Variants in ASIC2 observed in about 807,000 individuals in gnomAD.
ASIC2 encodes acid-sensing ion channel 2.
ASIC2 carries 25 observed loss-of-function variants against 57.3 expected under a neutral mutation model. The observed-to-expected ratio is 0.44, with a 90% CI of 0.32 to 0.61. The LOEUF is 0.61. Among genes scored for constraint, ASIC2 ranks in the 20% least tolerant of loss-of-function variants. The pLI is 0.06. For missense variants in ASIC2, 641 were observed against 738.1 expected (o/e 0.87, Z 1.52); for synonymous variants, 319 against 307.5 (o/e 1.04, Z -0.39).
chr17:33,286,978 T>C (rs1905221081), intron 1 of ASIC2, among the ~76,000 whole-genome samples: 1 of 152,222 alleles, frequency 6.6e-6, no homozygotes. Context: ...GTGGTCATAA[T>C]ATGATATGAT....
At chr17:33,687,058 C>T (rs998175316) in intron 1 of ASIC2, among the ~76,000 whole-genome samples, 3 of 152,170 alleles carry the variant, frequency 2.0e-5, no homozygotes, top group African/African-American at 4.8e-5. Context: ...GTGTGTCCTT[C>T]GATGAGTGGC....
At chr17:33,547,058 G>C (rs1238520943) in intron 1 of ASIC2, among the ~76,000 whole-genome samples, 1 of 152,178 alleles carries the variant, frequency 6.6e-6, no homozygotes, top group Admixed American at 6.5e-5. Context: ...TGTTAAAAAA[G>C]GTTGCCAGGC....
chr17:33,937,154 T>C (rs1425650923), intron 1 of ASIC2, among the ~76,000 whole-genome samples: 1 of 152,088 alleles, frequency 6.6e-6, no homozygotes, highest in Admixed American at 6.5e-5. Flanking sequence ...CAGGCTGGAG[T>C]GTAGTGGTGC....
chr17:33,800,743 T>G (rs1443995124), intron 1 of ASIC2, among the ~76,000 whole-genome samples: 1 of 152,194 alleles, frequency 6.6e-6, no homozygotes, highest in East Asian at 1.9e-4. Context: ...AGTATTATAG[T>G]GATAGCAATA....
chr17:33,853,124 G>A (rs1913820200), intron 1 of ASIC2, among the ~76,000 whole-genome samples: 1 of 152,162 alleles, frequency 6.6e-6, no homozygotes. Context: ...CACACACAAA[G>A]TTAACACTTC....
chr17:33,557,385 T>C (rs1384823503), intron 1 of ASIC2, among the ~76,000 whole-genome samples: 1 of 152,188 alleles, frequency 6.6e-6, no homozygotes, highest in Admixed American at 6.6e-5. Flanking sequence ...ACTAAATACC[T>C]ACTATGTGCT....
intron 1 of ASIC2, among the ~76,000 whole-genome samples, chr17:34,066,767 G>A (rs1210995638): frequency 6.6e-6 from 1 of 152,210 alleles, no homozygotes; most frequent in East Asian, 1.9e-4. Context: ...AAGGGCCAAA[G>A]TGGACTGCTT....
chr17:33,769,251 C>A (rs952225615), intron 1 of ASIC2, among the ~76,000 whole-genome samples: 7 of 152,218 alleles, frequency 4.6e-5, no homozygotes, highest in Admixed American at 1.3e-4. Flanking sequence ...ACTAACACCC[C>A]CTTTGGGGCT....
At chr17:33,834,054 C>T (rs568221605) in intron 1 of ASIC2, 1 of 152,332 alleles carries the variant, frequency 6.6e-6, no homozygotes, top group Non-Finnish European at 1.5e-5. Context: ...GAGTAAGACC[C>T]TATCTCAATA....
At chr17:33,866,614 G>C (rs1422744942) in intron 1 of ASIC2, among the ~76,000 whole-genome samples, 2 of 152,090 alleles carry the variant, frequency 1.3e-5, no homozygotes, top group South Asian at 4.1e-4. Flanking sequence ...TCAACTCTCT[G>C]ATTCTTTCAT....
chr17:33,714,642 G>A (rs1000011904), intron 1 of ASIC2, among the ~76,000 whole-genome samples: 2 of 152,116 alleles, frequency 1.3e-5, no homozygotes, highest in Admixed American at 6.5e-5. Flanking sequence ...CATGGATCTC[G>A]ATTGCCTTTA....
intron 1 of ASIC2, among the ~76,000 whole-genome samples, chr17:33,230,171 C>G (rs1197027677): frequency 6.6e-6 from 1 of 152,258 alleles, no homozygotes; most frequent in Non-Finnish European, 1.5e-5. Context: ...ACCTTCCACT[C>G]TGCCTAATAA....
chr17:33,247,558 A>G (rs867903080), intron 1 of ASIC2, among the ~76,000 whole-genome samples: 4 of 152,210 alleles, frequency 2.6e-5, no homozygotes, highest in Admixed American at 1.3e-4. Context: ...TTTCCAGGGA[A>G]CAGAGACAAT....
intron 1 of ASIC2, among the ~76,000 whole-genome samples, chr17:33,362,162 A>G (rs1338157048): frequency 6.6e-6 from 1 of 152,204 alleles, no homozygotes; most frequent in Non-Finnish European, 1.5e-5. Context: ...AGGAACAACT[A>G]GGGGAAACCT....
At chr17:34,141,671 T>G (rs1310437886) in intron 1 of ASIC2, among the ~76,000 whole-genome samples, 1 of 152,224 alleles carries the variant, frequency 6.6e-6, no homozygotes, top group East Asian at 1.9e-4. Context: ...CCCTGGAGAT[T>G]GGCTGGTAGA....
At chr17:33,611,441 T>G (rs969975903) in intron 1 of ASIC2, among the ~76,000 whole-genome samples, 40 of 152,236 alleles carry the variant, frequency 2.6e-4, no homozygotes, top group Non-Finnish European at 1.8e-4. Context: ...TAGGGCCCCA[T>G]ATCCGTCAGT....
intron 1 of ASIC2, among the ~76,000 whole-genome samples, chr17:33,512,573 A>C (rs1466792885): frequency 6.6e-6 from 1 of 152,232 alleles, no homozygotes; most frequent in East Asian, 1.9e-4. Flanking sequence ...GAGTCTCAGA[A>C]GGGAGTGAAT....
chr17:34,032,487 G>C (rs1302323414), intron 1 of ASIC2, among the ~76,000 whole-genome samples: 1 of 152,176 alleles, frequency 6.6e-6, no homozygotes, highest in Non-Finnish European at 1.5e-5. Context: ...ACATCATTAT[G>C]ACAAGATCAA....
chr17:33,233,514 TCACACACACA>T (rs36203893), intron 1 of ASIC2, among the ~76,000 whole-genome samples: 6,848 of 147,030 alleles, frequency 0.047, 488 homozygotes, highest in African/African-American at 0.16. Context: ...AATTGGAAAT[TCACACACACA>T]CACACACACA....
Sources: gnomAD v4.1 joint callset for allele counts (sites outside exome capture counted in the v4.1 genomes callset) on GRCh38, gnomAD v4.1.1 for gene constraint, MANE v1.5 for transcripts, NCBI Gene and HGNC (gene_info 2026-07-23, HGNC 2026-07-21) for gene names.